Variants in PTPRD observed in about 807,000 individuals in gnomAD.
PTPRD encodes receptor-type tyrosine-protein phosphatase delta.
PTPRD carries 34 observed loss-of-function variants against 214.5 expected under a neutral mutation model. The observed-to-expected ratio is 0.16, with a 90% CI of 0.12 to 0.21. The LOEUF (loss-of-function observed/expected upper bound fraction) is 0.21. Ranked by LOEUF, PTPRD falls within the 10% of genes least tolerant of loss-of-function variation. PTPRD has a pLI of 1.00. For missense variants in PTPRD, 2,545 were observed against 2,398.7 expected, an observed-to-expected ratio of 1.06 and a Z score of -1.27; for synonymous variants, 1,128 against 845.7, an observed-to-expected ratio of 1.33 and a Z score of -5.79.
At chr9:9,123,734 A>C (rs1016483736) in intron 10 of PTPRD, among the ~76,000 whole-genome samples, 1 of 152,206 alleles carries the variant, frequency 6.6e-6, no homozygotes, top group African/African-American at 2.4e-5. Context: ...ATACGAGAAA[A>C]TATTTCCAGA....
At chr9:9,251,677 A>C (rs987914580) in intron 9 of PTPRD, among the ~76,000 whole-genome samples, 18 of 152,104 alleles carry the variant, frequency 1.2e-4, no homozygotes, top group Non-Finnish European at 5.9e-5. Flanking sequence ...CTTTAGGATA[A>C]GAAGTGTCTT....
At chr9:10,277,254 A>C (rs947421243) in intron 3 of PTPRD, among the ~76,000 whole-genome samples, 13 of 152,250 alleles carry the variant, frequency 8.5e-5, no homozygotes, top group Non-Finnish European at 1.8e-4. Flanking sequence ...CATAAAAAAA[A>C]AACAACAAAC....
intron 9 of PTPRD, among the ~76,000 whole-genome samples, chr9:9,339,484 C>T (rs563361849): frequency 2.3e-4 from 35 of 152,172 alleles, no homozygotes; most frequent in African/African-American, 7.7e-4. Flanking sequence ...ACATGCTTTT[C>T]CATGATTTGA....
chr9:9,969,413 A>G (rs1477456995), intron 4 of PTPRD, among the ~76,000 whole-genome samples: 1 of 152,138 alleles, frequency 6.6e-6, no homozygotes, highest in Non-Finnish European at 1.5e-5. Flanking sequence ...TCAAGGAGAT[A>G]GAGGGTACTG....
At chr9:10,344,288 C>A (rs963581371) in intron 2 of PTPRD, among the ~76,000 whole-genome samples, 11 of 152,100 alleles carry the variant, frequency 7.2e-5, no homozygotes, top group African/African-American at 2.7e-4. Context: ...AATAGAGAAT[C>A]CTTTCTCCAT....
intron 9 of PTPRD, among the ~76,000 whole-genome samples, chr9:9,332,896 C>A (rs1429538919): frequency 6.6e-6 from 1 of 151,908 alleles, no homozygotes; most frequent in African/African-American, 2.4e-5. Flanking sequence ...AGAATGCTAA[C>A]ATTAATCATA....
intron 39 of PTPRD, among the ~76,000 whole-genome samples, chr9:8,367,965 C>T (rs1481579096): frequency 2.0e-5 from 3 of 152,074 alleles, no homozygotes; most frequent in Non-Finnish European, 4.4e-5. Flanking sequence ...TTAATGTGCT[C>T]GAGGTCACAG....
At chr9:8,505,499 G>A (rs2097524957) in intron 22 of PTPRD, among the ~76,000 whole-genome samples, 1 of 151,648 alleles carries the variant, frequency 6.6e-6, no homozygotes, top group Non-Finnish European at 1.5e-5. Flanking sequence ...GTGGGCGCCT[G>A]TGGTCCCAGC....
intron 3 of PTPRD, among the ~76,000 whole-genome samples, chr9:10,047,407 C>G (rs2097426905): frequency 6.6e-6 from 1 of 151,142 alleles, no homozygotes. Context: ...GCTGAACACA[C>G]AATGATTGTT....
chr9:9,934,051 C>T (rs1044791874), intron 5 of PTPRD, among the ~76,000 whole-genome samples: 1 of 149,276 alleles, frequency 6.7e-6, no homozygotes, highest in African/African-American at 2.6e-5. Context: ...ACACAACATA[C>T]CAGAATCTCT....
chr9:8,627,832 T>C (rs1028048045), intron 14 of PTPRD, among the ~76,000 whole-genome samples: 1 of 151,902 alleles, frequency 6.6e-6, no homozygotes, highest in East Asian at 1.9e-4. Context: ...AAAGAATCAC[T>C]GTTTTTAAAT....
intron 11 of PTPRD, among the ~76,000 whole-genome samples, chr9:8,765,236 C>T (rs1317109469): frequency 1.3e-5 from 2 of 152,178 alleles, no homozygotes; most frequent in African/African-American, 2.4e-5. Flanking sequence ...TTCCACTCCC[C>T]TTGACTGTGG....
chr9:9,179,359 A>C (rs537541552), intron 10 of PTPRD, among the ~76,000 whole-genome samples: 1 of 152,226 alleles, frequency 6.6e-6, no homozygotes, highest in South Asian at 2.1e-4. Flanking sequence ...CATATTTCCA[A>C]ATGCAGACAT....
intron 3 of PTPRD, among the ~76,000 whole-genome samples, chr9:10,251,055 G>C (rs1274253222): frequency 6.6e-6 from 1 of 151,826 alleles, no homozygotes; most frequent in African/African-American, 2.4e-5. Flanking sequence ...GGCTACATAG[G>C]GGTCTTTGAA....
chr9:9,125,160 G>C (rs561477980), intron 10 of PTPRD, among the ~76,000 whole-genome samples: 1 of 152,260 alleles, frequency 6.6e-6, no homozygotes, highest in East Asian at 1.9e-4. Context: ...CAACAGTAGA[G>C]CAGCTATCCT....
At chr9:9,275,463 G>C (rs1039889134) in intron 9 of PTPRD, among the ~76,000 whole-genome samples, 4 of 150,640 alleles carry the variant, frequency 2.7e-5, no homozygotes, top group Non-Finnish European at 5.9e-5. Flanking sequence ...CACCCGAAGA[G>C]GGTGAAACTA....
At chr9:9,489,894 C>T (rs553917996) in intron 8 of PTPRD, among the ~76,000 whole-genome samples, 4 of 151,906 alleles carry the variant, frequency 2.6e-5, no homozygotes, top group Non-Finnish European at 4.4e-5. Context: ...TGAATATAAA[C>T]ATCAAATAAG....
chr9:9,321,805 G>A (rs1966713430), intron 9 of PTPRD, among the ~76,000 whole-genome samples: 1 of 152,070 alleles, frequency 6.6e-6, no homozygotes, highest in African/African-American at 2.4e-5. Flanking sequence ...GTTGTTGAGA[G>A]GATTAAATGA....
intron 3 of PTPRD, among the ~76,000 whole-genome samples, chr9:10,077,595 G>T (rs907255148): frequency 6.6e-6 from 1 of 152,046 alleles, no homozygotes; most frequent in Non-Finnish European, 1.5e-5. Context: ...TTGCTATCCA[G>T]GTAATAAGCA....
Sources: gnomAD v4.1 joint callset for allele counts (sites outside exome capture counted in the v4.1 genomes callset) on GRCh38, gnomAD v4.1.1 for gene constraint, MANE v1.5 for transcripts, NCBI Gene and HGNC (gene_info 2026-07-23, HGNC 2026-07-21) for gene names.